PCDH15: variants seen among roughly 807,000 people sequenced by gnomAD.
The protein encoded by PCDH15 is protocadherin-15.
PCDH15 carries 129 observed loss-of-function variants against 178.5 expected under a neutral mutation model. The ratio of observed to expected loss-of-function variants is 0.72; its 90% CI spans 0.63 to 0.84. The LOEUF (loss-of-function observed/expected upper bound fraction) is 0.84, where lower values mean the gene tolerates loss of function less well. PCDH15 is among the 40% of genes least tolerant of loss of function. The probability of loss-of-function intolerance (pLI) is 0.00; values close to 1 mark genes in which losing one functional copy is unlikely to be tolerated. For synonymous variants in PCDH15, 800 were observed against 732.0 expected (o/e 1.09, Z -1.50); for missense variants, 2,230 against 2,099.9 (o/e 1.06, Z -1.21).
intron 7 of PCDH15, among the ~76,000 whole-genome samples, chr10:54,328,051 T>C (rs1030980108): frequency 1.3e-5 from 2 of 152,036 alleles, no homozygotes; most frequent in Admixed American, 1.3e-4. Flanking sequence ...TGGACAAATG[T>C]ATAATGATAT....
intron 17 of PCDH15, among the ~76,000 whole-genome samples, chr10:54,072,557 A>G (rs2094264787): frequency 6.6e-6 from 1 of 152,198 alleles, no homozygotes; most frequent in Admixed American, 6.5e-5. Flanking sequence ...AAGAGACATG[A>G]AGGCAGGAGG....
intron 19 of PCDH15, among the ~76,000 whole-genome samples, chr10:54,021,296 T>G (rs991706874): frequency 6.6e-6 from 1 of 151,890 alleles, no homozygotes; most frequent in African/African-American, 2.4e-5. Context: ...AGATCCAGAG[T>G]ATGCTATAAT....
intron 3 of PCDH15, among the ~76,000 whole-genome samples, chr10:54,494,142 C>T (rs576412626): frequency 1.3e-5 from 2 of 151,326 alleles, no homozygotes; most frequent in East Asian, 2.0e-4. Flanking sequence ...TGCTAAATGA[C>T]GAGTTAATGG....
chr10:55,367,025 C>CA (rs1845378750), intron 2 of PCDH15, among the ~76,000 whole-genome samples: 1 of 151,746 alleles, frequency 6.6e-6, no homozygotes, highest in South Asian at 2.1e-4. Flanking sequence ...TATGTCCTTT[C>CA]ACCCCTCCAT....
At chr10:53,854,924 C>A (rs1317282066) in intron 28 of PCDH15, among the ~76,000 whole-genome samples, 1 of 152,046 alleles carries the variant, frequency 6.6e-6, no homozygotes, top group Non-Finnish European at 1.5e-5. Flanking sequence ...ACGATTCTCT[C>A]AAGACCTGAA....
intron 2 of PCDH15, among the ~76,000 whole-genome samples, chr10:55,364,548 A>G (rs963902700): frequency 3.9e-5 from 6 of 152,098 alleles, no homozygotes; most frequent in African/African-American, 1.2e-4. Flanking sequence ...TGCCATGGGC[A>G]TATGTTTCTT....
At position 53,887,462 on chromosome 10, in the gene PCDH15, A is replaced by T. The variant is rs2081177136; in HGVS notation, c.3501+15781T>A. On this transcript the variant is annotated intron_variant, in intron 26 of 37. Coordinates refer to ENST00000644397, the MANE Select transcript of PCDH15 (RefSeq NM_001384140.1). ...GAATAATCTTTTTCCTTTTCCTTTT[A>T]ATTTCAAGCTTGTTAAACATTTTTA... Among the ~76,000 whole-genome samples the T allele has an allele frequency of 2.6e-5, 4 of 152,196 alleles. No individual in the cohort carries two copies. The South Asian group carries it at 8.3e-4, about 32-fold the overall frequency.
In PCDH15 at chr10:54,934,875, C is replaced by T. The variant is rs546451795; in HGVS notation, c.-79-37375G>A. Among the ~76,000 whole-genome samples the T allele has an allele frequency of 3.2e-4, 49 of 151,950 alleles. 1 individual carries two copies. Among genetic ancestry groups the T allele is most frequent in the Admixed American group, 9.2e-4 (14 of 15,224 alleles). On this transcript the variant is annotated intron_variant, in intron 2 of 5. Coordinates refer to the PCDH15 transcript ENST00000458638. Reference sequence around the variant, plus strand: ...CTGGATTAAGAAAATGTGGCACATACACACCATGGAATACTATGCAGCCAT... The same window carrying T: ...CTGGATTAAGAAAATGTGGCACATATACACCATGGAATACTATGCAGCCAT...
intron 2 of PCDH15, among the ~76,000 whole-genome samples, chr10:55,065,776 T>A (rs1400377342): frequency 6.6e-6 from 1 of 152,102 alleles, no homozygotes; most frequent in South Asian, 2.1e-4. Flanking sequence ...CTATGCTGTT[T>A]GTTTAGTTTT....
intron 16 of PCDH15, among the ~76,000 whole-genome samples, chr10:54,088,141 T>C (rs2094544114): frequency 6.6e-6 from 1 of 152,156 alleles, no homozygotes; most frequent in East Asian, 1.9e-4. Flanking sequence ...AAAAACGAAC[T>C]CACACATGCA....
rs1317956638 is a variant in PCDH15 at position 53,960,849 on chromosome 10, A to C, written c.3009+903T>G. Among the ~76,000 whole-genome samples, 9 of 152,344 alleles carry C rather than the reference A, an allele frequency of 5.9e-5. No individual in the cohort carries two copies. The East Asian group carries it at 1.7e-3, about 29-fold the overall frequency. ...AAAGCTATTTCCCTACTGTAGAGTC[A>C]AAGACTTTATTCACAGTGACAAAAA... On this transcript the variant is annotated intron_variant, in intron 22 of 37. Transcript: ENST00000644397.
chr10:54,069,081 C>T (rs754640866), intron 17 of PCDH15, among the ~76,000 whole-genome samples: 9 of 152,146 alleles, frequency 5.9e-5, no homozygotes, highest in Admixed American at 2.0e-4. Context: ...TAAAATTTGC[C>T]TTAGAATTGA....
chr10:55,079,176 A>C (rs73251947), intron 2 of PCDH15, among the ~76,000 whole-genome samples: 1,616 of 151,708 alleles, frequency 0.011, 27 homozygotes, highest in African/African-American at 0.036. Flanking sequence ...CTTACTTTTT[A>C]TTGTTTTCTG....
chr10:55,193,053 TA>T (rs1839987144), intron 1 of PCDH15, among the ~76,000 whole-genome samples: 1 of 150,050 alleles, frequency 6.7e-6, no homozygotes, highest in South Asian at 2.1e-4. Context: ...CCTGGGAGGA[TA>T]AATACTTAAA....
At chr10:54,308,859 T>C (rs1359389984) in intron 8 of PCDH15, among the ~76,000 whole-genome samples, 1 of 151,420 alleles carries the variant, frequency 6.6e-6, no homozygotes, top group Non-Finnish European at 1.5e-5. Context: ...TTCAGGACAA[T>C]ACTTGCTGAA....
chr10:54,150,144 G>T (rs2044378253), intron 14 of PCDH15, among the ~76,000 whole-genome samples: 1 of 152,090 alleles, frequency 6.6e-6, no homozygotes, highest in South Asian at 2.1e-4. Context: ...AGGTTAGAAA[G>T]AAGAAAATTT....
chr10:54,858,925 C>T (rs911584287), intron 3 of PCDH15, among the ~76,000 whole-genome samples: 1 of 151,932 alleles, frequency 6.6e-6, no homozygotes, highest in Non-Finnish European at 1.5e-5. Flanking sequence ...GATAGGGCCA[C>T]AATGATATAA....
intron 1 of PCDH15, among the ~76,000 whole-genome samples, chr10:55,243,528 T>A (rs1334203490): frequency 6.6e-6 from 1 of 152,188 alleles, no homozygotes; most frequent in Non-Finnish European, 1.5e-5. Context: ...CCTAGGATGG[T>A]TCACATTGAT....
intron 1 of PCDH15, among the ~76,000 whole-genome samples, chr10:55,209,311 C>A (rs1271190959): frequency 6.6e-6 from 1 of 151,972 alleles, no homozygotes; most frequent in Non-Finnish European, 1.5e-5. Context: ...ATTCTAAGAG[C>A]AATGAAAAGA....
Sources: allele counts gnomAD v4.1 joint callset (sites outside exome capture counted in the v4.1 genomes callset), GRCh38; gene constraint gnomAD v4.1.1; transcripts MANE v1.5; gene names NCBI Gene and HGNC (gene_info 2026-07-23, HGNC 2026-07-21).